Variants in LYPD6 observed in about 807,000 individuals in gnomAD.
LYPD6 encodes the protein ly6/PLAUR domain-containing protein 6.
A neutral mutation model predicts 22.7 loss-of-function variants in LYPD6; 15 were observed. That is an observed-to-expected ratio of 0.66 (90% CI 0.44 to 1.02). The LOEUF (loss-of-function observed/expected upper bound fraction) is 1.02. LYPD6 is among the 50% of genes least tolerant of loss of function. The pLI is 0.00. For synonymous variants in LYPD6, 72 were observed against 77.5 expected (o/e 0.93, Z 0.37); for missense variants, 189 against 208.4 (o/e 0.91, Z 0.57).
intron 1 of LYPD6, among the ~76,000 whole-genome samples, chr2:149,380,039 A>G (rs986375695): frequency 1.3e-5 from 2 of 152,250 alleles, no homozygotes; most frequent in African/African-American, 4.8e-5. Flanking sequence ...TTGAATAAAA[A>G]CTAGATGGAG....
At chr2:149,457,885 C>T (rs1681000162) in intron 3 of LYPD6, among the ~76,000 whole-genome samples, 1 of 152,180 alleles carries the variant, frequency 6.6e-6, no homozygotes, top group East Asian at 1.9e-4. Flanking sequence ...GTGCTGAGTT[C>T]ACTAGGTTTT....
At chr2:149,347,322 G>A (rs1318200090) in intron 1 of LYPD6, among the ~76,000 whole-genome samples, 1 of 152,134 alleles carries the variant, frequency 6.6e-6, no homozygotes, top group Non-Finnish European at 1.5e-5. Flanking sequence ...TCACATTGGG[G>A]TTTAGGGTTT....
intron 3 of LYPD6, among the ~76,000 whole-genome samples, chr2:149,454,461 A>G (rs112234869): frequency 1.2e-4 from 18 of 152,344 alleles, no homozygotes; most frequent in African/African-American, 3.8e-4. Context: ...AGGGATGTAT[A>G]GTAGATCATT....
At chr2:149,486,312 C>T in the LYPD6 span, among the ~76,000 whole-genome samples, 1 of 152,194 alleles carries the variant, frequency 6.6e-6, no homozygotes, top group East Asian at 1.9e-4. Context: ...GGTCTAAAGA[C>T]CATGCCCCCT....
chr2:149,395,701 C>G (rs1257077523), intron 1 of LYPD6, among the ~76,000 whole-genome samples: 1 of 152,128 alleles, frequency 6.6e-6, no homozygotes, highest in African/African-American at 2.4e-5. Flanking sequence ...ATGATAACAG[C>G]AGGTATCCCA....
chr2:149,428,746 G>C (rs1351878656), intron 1 of LYPD6, among the ~76,000 whole-genome samples: 3 of 152,210 alleles, frequency 2.0e-5, no homozygotes, highest in African/African-American at 7.2e-5. Context: ...GGGAAGTATA[G>C]AGCAGAATGC....
At chr2:149,467,805 C>T (rs547969226) in intron 3 of LYPD6, among the ~76,000 whole-genome samples, 9 of 152,194 alleles carry the variant, frequency 5.9e-5, no homozygotes, top group Non-Finnish European at 8.8e-5. Context: ...TGAACATTGC[C>T]TGGAGGCCAT....
chr2:149,350,938 C>G (rs1681346943), intron 1 of LYPD6, among the ~76,000 whole-genome samples: 1 of 152,204 alleles, frequency 6.6e-6, no homozygotes, highest in Non-Finnish European at 1.5e-5. Flanking sequence ...CATGGCACCC[C>G]TGCTTATTTC....
At chr2:149,335,989 C>G (rs1186001077) in intron 1 of LYPD6, among the ~76,000 whole-genome samples, 2 of 152,170 alleles carry the variant, frequency 1.3e-5, no homozygotes, top group Admixed American at 1.3e-4. Context: ...GAACATATCT[C>G]CATTGTTCAG....
intron 3 of LYPD6, among the ~76,000 whole-genome samples, chr2:149,459,172 C>G (rs1681032750): frequency 6.6e-6 from 1 of 152,274 alleles, no homozygotes; most frequent in Non-Finnish European, 1.5e-5. Flanking sequence ...AAAAGAACAT[C>G]TGATATGAGA....
chr2:149,470,972 A>G lies in LYPD6; in HGVS notation c.*122A>G. The G allele has an allele frequency of 1.1e-6, 1 of 887,662 alleles. No homozygotes were observed. Among genetic ancestry groups the G allele is most frequent in the Non-Finnish European group, 1.7e-6 (1 of 580,380 alleles). The allele number at this position is 887,662 out of a possible 1,614,324, so 55.0% of individuals were successfully genotyped here. Reference sequence around the variant, plus strand: ...AGACACAACACTCTTGGAGGTCATCACAGCCAAGCATTGCCACTTACCATG... The same window carrying G: ...AGACACAACACTCTTGGAGGTCATCGCAGCCAAGCATTGCCACTTACCATG... On this transcript the variant is annotated 3_prime_UTR_variant, in exon 5 of 5. Coordinates refer to ENST00000334166, the MANE Select transcript of LYPD6 (RefSeq NM_194317.5).
At chr2:149,392,169 C>A (rs1682325694) in intron 1 of LYPD6, among the ~76,000 whole-genome samples, 1 of 152,116 alleles carries the variant, frequency 6.6e-6, no homozygotes, top group Non-Finnish European at 1.5e-5. Context: ...GGGCACTAAT[C>A]TCATCATGAG....
chr2:149,477,019 T>G (rs185149884), downstream of LYPD6, among the ~76,000 whole-genome samples: 44 of 152,076 alleles, frequency 2.9e-4, no homozygotes, highest in Non-Finnish European at 4.7e-4. Flanking sequence ...AGGGGCTGAG[T>G]AGATGTCAGT....
At chr2:149,335,881 A>G (rs1000096298) in intron 1 of LYPD6, among the ~76,000 whole-genome samples, 11 of 152,332 alleles carry the variant, frequency 7.2e-5, no homozygotes, top group East Asian at 1.9e-4. Context: ...AGGCTATACC[A>G]TATAACTTAG....
Position 149,392,404 on chromosome 2 carries a change from A to G in LYPD6, c.-71-45234A>G, listed in dbSNP as rs78221914. Among the ~76,000 whole-genome samples the G allele has an allele frequency of 6.8e-3, 1,038 of 152,286 alleles. 8 individuals carry two copies. The highest frequency in any genetic ancestry group is 0.024 in the African/African-American group (1,004 of 41,568). Reference sequence around the variant, plus strand: ...TGTGGGCATAAAAGGCACAATCAACAAGGTTATAGAAAACAATGTCTCAGT... The same window carrying G: ...TGTGGGCATAAAAGGCACAATCAACGAGGTTATAGAAAACAATGTCTCAGT... On this transcript the variant is annotated intron_variant, in intron 1 of 4. Coordinates refer to ENST00000334166, the MANE Select transcript of LYPD6 (RefSeq NM_194317.5).
At chr2:149,479,972 C>G in the LYPD6 span, among the ~76,000 whole-genome samples, 1 of 151,958 alleles carries the variant, frequency 6.6e-6, no homozygotes, top group Admixed American at 6.5e-5. Context: ...GTTACATGCC[C>G]TTTGACTTGA....
chr2:149,440,664 T>C (rs1445056789), intron 2 of LYPD6, among the ~76,000 whole-genome samples: 1 of 151,204 alleles, frequency 6.6e-6, no homozygotes, highest in Non-Finnish European at 1.5e-5. Context: ...TGGCTCCTAC[T>C]TGGCCAGAAC....
intron 1 of LYPD6, among the ~76,000 whole-genome samples, chr2:149,375,525 G>T (rs1236673512): frequency 6.6e-6 from 1 of 152,066 alleles, no homozygotes; most frequent in Admixed American, 6.5e-5. Context: ...AAATCCCAGT[G>T]GTCTAAAAAT....
chr2:149,464,048 C>T (rs1681145640), intron 3 of LYPD6: 1 of 390,210 alleles, frequency 2.6e-6, no homozygotes, highest in Non-Finnish European at 5.0e-6. Flanking sequence ...TAGAGGATCT[C>T]CTATTATTAA....
Sources: allele counts gnomAD v4.1 joint callset (sites outside exome capture counted in the v4.1 genomes callset), GRCh38; gene constraint gnomAD v4.1.1; transcripts MANE v1.5; gene names NCBI Gene and HGNC (gene_info 2026-07-23, HGNC 2026-07-21).